OVCH1: variants seen among roughly 807,000 people sequenced by gnomAD.
OVCH1 encodes the protein ovochymase 1, also known as ovochymase-1.
A neutral mutation model predicts 138.4 loss-of-function variants in OVCH1; 139 were observed. The ratio of observed to expected loss-of-function variants is 1.00; its 90% CI spans 0.87 to 1.16. OVCH1 has a LOEUF of 1.16. OVCH1 is among the 50% of genes most tolerant of loss of function. The pLI is 0.00. For synonymous variants in OVCH1, 453 were observed against 467.8 expected (o/e 0.97, Z 0.41); for missense variants, 1,367 against 1,357.9 (o/e 1.01, Z -0.11).
intron 3 of OVCH1, among the ~76,000 whole-genome samples, chr12:29,412,876 C>G (rs1320348305): frequency 6.6e-6 from 1 of 152,198 alleles, no homozygotes; most frequent in Non-Finnish European, 1.5e-5. Flanking sequence ...GAAACAAAGT[C>G]TCACGCTGTC....
At chr12:29,473,330 T>C (rs945562551) in intron 14 of OVCH1, among the ~76,000 whole-genome samples, 1 of 152,198 alleles carries the variant, frequency 6.6e-6, no homozygotes, top group Non-Finnish European at 1.5e-5. Context: ...TTTCTTGATA[T>C]TAATCTCATG....
intron 16 of OVCH1, among the ~76,000 whole-genome samples, chr12:29,466,132 G>T (rs1942310514): frequency 6.6e-6 from 1 of 151,340 alleles, no homozygotes; most frequent in Admixed American, 6.6e-5. Flanking sequence ...AGCATTAGGA[G>T]ATATACCTAA....
At chr12:29,487,659 T>C (rs371361824) in intron 7 of OVCH1, 34 bp downstream of exon 7, 5 of 1,540,202 alleles carry the variant, frequency 3.2e-6, no homozygotes, top group Non-Finnish European at 3.5e-6. Context: ...TACCCTTGAG[T>C]TAGGATGAGA....
chr12:29,402,638 G>A, the OVCH1 span, among the ~76,000 whole-genome samples: 1 of 151,808 alleles, frequency 6.6e-6, no homozygotes, highest in Admixed American at 6.6e-5. Flanking sequence ...TAAGAGATTG[G>A]GGAGAGGGAG....
intron 8 of OVCH1, among the ~76,000 whole-genome samples, chr12:29,479,409 T>C (rs537378107): frequency 6.6e-6 from 1 of 152,312 alleles, no homozygotes; most frequent in East Asian, 1.9e-4. Flanking sequence ...TGGGTTAAAA[T>C]GTCATCTCTC....
chr12:29,440,168 A>T (rs1941448709), intron 25 of OVCH1, among the ~76,000 whole-genome samples: 1 of 152,182 alleles, frequency 6.6e-6, no homozygotes, highest in Non-Finnish European at 1.5e-5. Context: ...TCCTCTGGAT[A>T]GATGGGTAGA....
At chr12:29,486,407 T>C in intron 7 of OVCH1, 59 bp from the exon 8 acceptor site, 1 of 1,314,844 alleles carries the variant, frequency 7.6e-7, no homozygotes. Context: ...AATAAAACAT[T>C]TTTAACAATG....
intron 27 of OVCH1, among the ~76,000 whole-genome samples, chr12:29,432,614 A>C (rs1013974564): frequency 6.6e-6 from 1 of 152,222 alleles, no homozygotes; most frequent in African/African-American, 2.4e-5. Context: ...GCTAGTGTTC[A>C]ATAAAGAAGC....
At chr12:29,467,676 G>A (rs535824989) in intron 16 of OVCH1, among the ~76,000 whole-genome samples, 5 of 152,270 alleles carry the variant, frequency 3.3e-5, no homozygotes, top group African/African-American at 1.2e-4. Flanking sequence ...ATTGCAAAGT[G>A]AGCTTGGTCT....
intron 5 of OVCH1, among the ~76,000 whole-genome samples, chr12:29,490,087 A>C (rs1001219555): frequency 3.9e-5 from 6 of 152,102 alleles, no homozygotes; most frequent in African/African-American, 1.4e-4. Flanking sequence ...TTTTTAAGAC[A>C]AGGTGTCCCT....
chr12:29,431,301 G>A (rs779349780), intron 27 of OVCH1, among the ~76,000 whole-genome samples: 4 of 151,964 alleles, frequency 2.6e-5, no homozygotes, highest in Non-Finnish European at 4.4e-5. Flanking sequence ...AGCCAGGTAT[G>A]GTGGTGTGTA....
intron 19 of OVCH1, among the ~76,000 whole-genome samples, chr12:29,458,113 A>G (rs1456255621): frequency 1.3e-5 from 2 of 152,166 alleles, no homozygotes; most frequent in Non-Finnish European, 2.9e-5. Context: ...AATACCAATG[A>G]CATTTTTCAC....
chr12:29,432,571 C>T (rs1421641891), intron 27 of OVCH1, among the ~76,000 whole-genome samples: 2 of 152,076 alleles, frequency 1.3e-5, no homozygotes, highest in Non-Finnish European at 2.9e-5. Context: ...TATTAGATAG[C>T]CAAGTGGAAG....
chr12:29,414,919 A>C (rs1941012614), intron 3 of OVCH1, among the ~76,000 whole-genome samples: 1 of 152,192 alleles, frequency 6.6e-6, no homozygotes, highest in African/African-American at 2.4e-5. Flanking sequence ...AATATACAAT[A>C]AAATAAAACT....
intron 26 of OVCH1, among the ~76,000 whole-genome samples, chr12:29,436,851 G>A (rs1362276147): frequency 6.6e-6 from 1 of 152,232 alleles, no homozygotes; most frequent in Non-Finnish European, 1.5e-5. Flanking sequence ...CGGACCCAAA[G>A]AGTGAGCAGC....
At chr12:29,451,468 T>C (rs1358598445) in exon 22 of OVCH1, 5 of 1,613,310 alleles carry the variant, frequency 3.1e-6, no homozygotes, top group African/African-American at 1.3e-5. Flanking sequence ...GCTGAAACTC[T>C]GAGCACCCAA....
downstream of OVCH1, among the ~76,000 whole-genome samples, chr12:29,412,292 A>ATGGTGAGCTG (rs1940970239): frequency 6.6e-6 from 1 of 151,680 alleles, no homozygotes; most frequent in Non-Finnish European, 1.5e-5. Flanking sequence ...GCTTCGGCTC[A>ATGGTGAGCTG]CGCACGGTGA....
the OVCH1 span, among the ~76,000 whole-genome samples, chr12:29,404,802 C>T: frequency 2.0e-5 from 3 of 152,002 alleles, no homozygotes; most frequent in East Asian, 5.8e-4. Flanking sequence ...GCAGGCGAAC[C>T]ACGAGGTCAG....
downstream of OVCH1, among the ~76,000 whole-genome samples, chr12:29,426,712 C>T (rs990951428): frequency 6.6e-6 from 1 of 152,138 alleles, no homozygotes; most frequent in Non-Finnish European, 1.5e-5. Context: ...AAATCCTCTC[C>T]ATTCTATCTC....
Sources: allele counts gnomAD v4.1 joint callset (sites outside exome capture counted in the v4.1 genomes callset), GRCh38; gene constraint gnomAD v4.1.1; transcripts MANE v1.5; gene names NCBI Gene and HGNC (gene_info 2026-07-23, HGNC 2026-07-21).